Variants in AGBL1 observed in about 807,000 individuals in gnomAD.
AGBL1 encodes the protein AGBL carboxypeptidase 1, also known as cytosolic carboxypeptidase 4.
AGBL1 carries 130 observed loss-of-function variants against 118.9 expected under a neutral mutation model. The observed-to-expected ratio is 1.09, with a 90% CI of 0.95 to 1.26. The LOEUF is 1.26. Among genes scored for constraint, AGBL1 ranks in the 50% most tolerant of loss-of-function variants. The pLI is 0.00. For missense variants in AGBL1, 1,584 were observed against 1,298.1 expected, an observed-to-expected ratio of 1.22 and a Z score of -3.38; for synonymous variants, 555 against 478.9, an observed-to-expected ratio of 1.16 and a Z score of -2.08.
intron 19 of AGBL1, among the ~76,000 whole-genome samples, chr15:86,529,623 C>T (rs1405023606): frequency 7.6e-6 from 1 of 130,872 alleles, no homozygotes; most frequent in East Asian, 2.2e-4. Context: ...CAAAGATACT[C>T]CTCGAGAAGA....
intron 22 of AGBL1, among the ~76,000 whole-genome samples, chr15:86,815,209 G>T (rs1047414694): frequency 1.3e-5 from 2 of 152,096 alleles, no homozygotes; most frequent in Non-Finnish European, 2.9e-5. Context: ...CTCAGCAGAG[G>T]TTCCAAAAAT....
chr15:86,834,824 C>G (rs553948183), intron 22 of AGBL1, among the ~76,000 whole-genome samples: 1 of 152,300 alleles, frequency 6.6e-6, no homozygotes, highest in African/African-American at 2.4e-5. Context: ...ATGAGACCTA[C>G]ATGGCATGCA....
intron 5 of AGBL1, among the ~76,000 whole-genome samples, chr15:86,221,869 C>T (rs1457366520): frequency 6.6e-6 from 1 of 151,990 alleles, no homozygotes; most frequent in Non-Finnish European, 1.5e-5. Context: ...CATGAAATGA[C>T]TCTGATATAT....
At chr15:86,878,088 G>T (rs1260909717) in intron 22 of AGBL1, among the ~76,000 whole-genome samples, 1 of 152,158 alleles carries the variant, frequency 6.6e-6, no homozygotes, top group Non-Finnish European at 1.5e-5. Context: ...ATGGAGTTTA[G>T]TAGCTCAGCG....
At chr15:86,529,795 G>A (rs1394961640) in intron 19 of AGBL1, among the ~76,000 whole-genome samples, 2 of 151,572 alleles carry the variant, frequency 1.3e-5, no homozygotes, top group East Asian at 1.9e-4. Flanking sequence ...GAGACTGGGG[G>A]CCAATATTCA....
At chr15:87,008,557 A>G (rs1250407584) in intron 24 of AGBL1, among the ~76,000 whole-genome samples, 1 of 152,182 alleles carries the variant, frequency 6.6e-6, no homozygotes, top group Non-Finnish European at 1.5e-5. Context: ...AGAGTGGGGC[A>G]CTGCTGTAGA....
At chr15:86,230,495 A>C (rs1253454363) in intron 6 of AGBL1, among the ~76,000 whole-genome samples, 1 of 152,218 alleles carries the variant, frequency 6.6e-6, no homozygotes, top group Non-Finnish European at 1.5e-5. Flanking sequence ...CTGAACTTGC[A>C]TGTAAATTCT....
intron 17 of AGBL1, chr15:86,295,642 T>C (rs2079623782): frequency 2.8e-6 from 1 of 351,446 alleles, no homozygotes; most frequent in Non-Finnish European, 5.1e-6. Flanking sequence ...GCAGATGAAA[T>C]GACAGTTTGC....
At chr15:86,660,352 A>G (rs1027928179) in intron 21 of AGBL1, among the ~76,000 whole-genome samples, 1 of 152,056 alleles carries the variant, frequency 6.6e-6, no homozygotes, top group Non-Finnish European at 1.5e-5. Context: ...AAACAAACAT[A>G]CAAATAAATA....
chr15:86,784,647 A>G (rs1311317438), intron 22 of AGBL1, among the ~76,000 whole-genome samples: 1 of 152,096 alleles, frequency 6.6e-6, no homozygotes, highest in South Asian at 2.1e-4. Context: ...CTTTTCTTAT[A>G]CAGTTTCCCA....
Position 86,780,757 on chromosome 15 carries a change from G to T in AGBL1, c.3158+106321G>T, listed in dbSNP as rs1053027248. On this transcript the variant is annotated intron_variant, in intron 22 of 22. Transcript: ENST00000614907. The stretch of plus-strand genomic sequence containing the variant: ...TGGCTCACTGCGACTTCCACCTCCC[G>T]GGTTCAAGCAATTCTCCTGCCTCAG... Among the ~76,000 whole-genome samples the T allele has an allele frequency of 2.0e-5, 3 of 150,484 alleles. No individual in the cohort carries two copies. In the South Asian group the frequency reaches 6.4e-4, roughly 32 times the overall value.
intron 24 of AGBL1, among the ~76,000 whole-genome samples, chr15:87,001,758 G>C (rs1224340013): frequency 1.3e-5 from 2 of 152,018 alleles, no homozygotes; most frequent in African/African-American, 2.4e-5. Context: ...TCATGTGTCT[G>C]TTGGTGGCAT....
chr15:86,321,809 A>T (rs900292903), intron 17 of AGBL1, among the ~76,000 whole-genome samples: 2 of 151,916 alleles, frequency 1.3e-5, no homozygotes, highest in African/African-American at 4.8e-5. Context: ...TTTCCTTTAA[A>T]TGCCACTTTA....
At chr15:86,238,896 C>T (rs970835876) in intron 6 of AGBL1, among the ~76,000 whole-genome samples, 2 of 152,158 alleles carry the variant, frequency 1.3e-5, no homozygotes, top group African/African-American at 2.4e-5. Flanking sequence ...TCAAGCAATG[C>T]TTCTGCCTTG....
At chr15:86,581,204 G>A (rs2084167637) in intron 21 of AGBL1, among the ~76,000 whole-genome samples, 1 of 152,144 alleles carries the variant, frequency 6.6e-6, no homozygotes. Flanking sequence ...ATTTCTACTT[G>A]GGCTTTTTAG....
At chr15:86,289,761 C>G (rs144428217) in intron 16 of AGBL1, among the ~76,000 whole-genome samples, 4 of 152,136 alleles carry the variant, frequency 2.6e-5, no homozygotes, top group Non-Finnish European at 5.9e-5. Flanking sequence ...CTTATAAGGA[C>G]CTTTGTCATT....
At chr15:86,096,203 A>C (rs1398688005) in intron 1 of AGBL1, among the ~76,000 whole-genome samples, 1 of 152,188 alleles carries the variant, frequency 6.6e-6, no homozygotes, top group Non-Finnish European at 1.5e-5. Context: ...AAATACATGG[A>C]ATATAAACAC....
chr15:86,102,295 C>T (rs1896784072), intron 1 of AGBL1, among the ~76,000 whole-genome samples: 1 of 152,152 alleles, frequency 6.6e-6, no homozygotes, highest in Admixed American at 6.5e-5. Context: ...CTCACCTCGG[C>T]CTCCCCAATT....
At chr15:86,748,691 G>C (rs939852821) in intron 22 of AGBL1, among the ~76,000 whole-genome samples, 6 of 151,632 alleles carry the variant, frequency 4.0e-5, no homozygotes, top group African/African-American at 1.5e-4. Flanking sequence ...TTTTGTATAA[G>C]GTGTAAGGAA....
Sources: allele counts gnomAD v4.1 joint callset (sites outside exome capture counted in the v4.1 genomes callset), GRCh38; gene constraint gnomAD v4.1.1; transcripts MANE v1.5; gene names NCBI Gene and HGNC (gene_info 2026-07-23, HGNC 2026-07-21).